PIBF1: variants seen among roughly 807,000 people sequenced by gnomAD.
The protein encoded by PIBF1 is progesterone-induced-blocking factor 1.
A neutral mutation model predicts 112.5 loss-of-function variants in PIBF1; 90 were observed. That is an observed-to-expected ratio of 0.80 (90% confidence interval 0.67 to 0.95). The LOEUF (loss-of-function observed/expected upper bound fraction) is 0.95, where lower values mean the gene tolerates loss of function less well. Among genes scored for constraint, PIBF1 ranks in the 40% least tolerant of loss-of-function variants. The pLI, the probability that PIBF1 is intolerant of heterozygous loss-of-function variation, is 0.00. For synonymous variants in PIBF1, 301 were observed against 288.6 expected, an observed-to-expected ratio of 1.04 and a Z score of -0.44; for missense variants, 915 against 852.3, an observed-to-expected ratio of 1.07 and a Z score of -0.92.
chr13:72,792,276 A>G (rs2034971533), intron 2 of PIBF1, among the ~76,000 whole-genome samples, 171 bp from the exon 3 acceptor site: 1 of 152,044 alleles, frequency 6.6e-6, no homozygotes, highest in African/African-American at 2.4e-5. Context: ...AGCCTGGGCA[A>G]CAGCACTTGG....
At position 72,980,982 on chromosome 13, in the gene PIBF1, C is replaced by T. The variant is rs558417073; in HGVS notation, c.2049+7307C>T. On this transcript the variant is annotated intron_variant, in intron 16 of 17. Transcript: ENST00000326291. ...TTGCTGAGCCAGGCACGGTGGCTCA[C>T]GCTTGTAATTCCAACACTTTGGGAG... Among the ~76,000 whole-genome samples, 11 of 151,934 alleles carry T rather than the reference C, an allele frequency of 7.2e-5. No individual in the cohort carries two copies. The South Asian group carries it at 2.1e-3, about 29-fold the overall frequency.
At chr13:72,987,156 G>T (rs1218762762) in intron 16 of PIBF1, among the ~76,000 whole-genome samples, 1 of 152,176 alleles carries the variant, frequency 6.6e-6, no homozygotes, top group Non-Finnish European at 1.5e-5. Context: ...AACTGGGGAT[G>T]TTTAGAGAAG....
intron 10 of PIBF1, among the ~76,000 whole-genome samples, chr13:72,857,620 C>T (rs2138344815): frequency 6.6e-6 from 1 of 152,326 alleles, no homozygotes; most frequent in South Asian, 2.1e-4. Context: ...GGTTGGATCA[C>T]CTGAGGTCAG....
chr13:72,956,898 A>G (rs754747028), intron 14 of PIBF1, among the ~76,000 whole-genome samples: 1 of 152,256 alleles, frequency 6.6e-6, no homozygotes, highest in African/African-American at 2.4e-5. Context: ...CAAATGGCAA[A>G]CAAACATGTA....
intron 5 of PIBF1, among the ~76,000 whole-genome samples, chr13:72,802,793 GATTACC>G (rs1280872250): frequency 6.6e-6 from 1 of 152,134 alleles, no homozygotes; most frequent in African/African-American, 2.4e-5. Context: ...GCCAGGATGA[GATTACC>G]AAAGGAGAGT....
Position 72,827,728 on chromosome 13 carries a change from T to C in PIBF1, c.916-5T>C. On this transcript the variant is annotated splice_region_variant and splice_polypyrimidine_tract_variant and intron_variant, in intron 7 of 17. Transcript: ENST00000326291. ...TGGATACTTTTTGTTTCTACATGTA[T>C]GTAGGTAGTCACCTTAGAGCAAACT... 3 of 1,521,166 alleles carry C rather than the reference T, an allele frequency of 2.0e-6. No individual in the cohort carries two copies. Among genetic ancestry groups the C allele is most frequent in the South Asian group, 1.4e-5 (1 of 73,540 alleles). 94.2% of individuals were successfully genotyped at this position (1,521,166 alleles called of 1,614,324 possible). A position where few individuals can be genotyped will look rare whatever the true frequency, so the allele number is the denominator to read the frequency against.
At chr13:72,996,284 C>A (rs1316230436) in intron 16 of PIBF1, among the ~76,000 whole-genome samples, 22 of 137,662 alleles carry the variant, frequency 1.6e-4, no homozygotes, top group South Asian at 4.5e-4. Context: ...AAAAAAAAAA[C>A]TGCTCAACTT....
At chr13:72,894,770 A>AGTGTG (rs1385402633) in intron 11 of PIBF1, among the ~76,000 whole-genome samples, 15 of 108,498 alleles carry the variant, frequency 1.4e-4, no homozygotes, top group African/African-American at 4.9e-4. Context: ...ATATATATAT[A>AGTGTG]TAGTGTGTGT....
chr13:72,799,122 G>A (rs970492878), intron 5 of PIBF1, among the ~76,000 whole-genome samples: 1 of 152,112 alleles, frequency 6.6e-6, no homozygotes, highest in African/African-American at 2.4e-5. Flanking sequence ...CCATGACCAG[G>A]TCATTTAATG....
chr13:72,909,277 T>C (rs2040815373), intron 12 of PIBF1, among the ~76,000 whole-genome samples: 1 of 152,158 alleles, frequency 6.6e-6, no homozygotes, highest in Admixed American at 6.5e-5. Flanking sequence ...AACTGGGGAT[T>C]AGGAGTTCAT....
At chr13:72,833,371 C>G (rs991023097) in intron 8 of PIBF1, among the ~76,000 whole-genome samples, 3 of 152,174 alleles carry the variant, frequency 2.0e-5, no homozygotes, top group African/African-American at 7.2e-5. Context: ...GAACTTTCAG[C>G]CTTTTTGCAC....
chr13:72,792,573 AAAC>A (rs548028168), intron 3 of PIBF1, 26 bp downstream of exon 3: 58 of 1,170,950 alleles, frequency 5.0e-5, no homozygotes, highest in East Asian at 4.2e-4. Context: ...TTTAAAAAAA[AAAC>A]AACATCTATT....
intron 1 of PIBF1, among the ~76,000 whole-genome samples, chr13:72,782,682 A>G (rs2138277202): frequency 6.6e-6 from 1 of 152,276 alleles, no homozygotes; most frequent in East Asian, 1.9e-4. Context: ...CTTATGAGAG[A>G]GTTAGAAGTA....
intron 17 of PIBF1, among the ~76,000 whole-genome samples, chr13:73,012,656 G>A (rs946206640): frequency 7.9e-5 from 12 of 151,752 alleles, no homozygotes; most frequent in African/African-American, 2.7e-4. Flanking sequence ...TCGAAGAGCT[G>A]AAGTGGGAGG....
chr13:72,917,019 A>G, intron 12 of PIBF1, 57 bp from the exon 13 acceptor site: 6 of 1,142,986 alleles, frequency 5.2e-6, no homozygotes, highest in African/African-American at 1.6e-5. Context: ...CACTTCTGCC[A>G]TCTTTTTTAA....
At chr13:72,922,285 T>A (rs909703265) in intron 13 of PIBF1, among the ~76,000 whole-genome samples, 9 of 152,124 alleles carry the variant, frequency 5.9e-5, no homozygotes, top group African/African-American at 1.9e-4. Context: ...GCCTATTTTT[T>A]AAAACTCTTT....
intron 11 of PIBF1, among the ~76,000 whole-genome samples, chr13:72,901,344 C>T (rs1432723545): frequency 6.6e-6 from 1 of 152,086 alleles, no homozygotes; most frequent in African/African-American, 2.4e-5. Context: ...CAAAACAAAA[C>T]CACGATACAG....
chr13:72,906,522 T>G (rs2040710341), intron 11 of PIBF1, among the ~76,000 whole-genome samples: 1 of 152,102 alleles, frequency 6.6e-6, no homozygotes, highest in Non-Finnish European at 1.5e-5. Context: ...TCAAGTTCTC[T>G]TTGGCATTTC....
rs187703028 is a variant in PIBF1, at chr13:72,949,900, T to G, written c.1834-15374T>G. On this transcript the variant is annotated intron_variant, in intron 14 of 17. Coordinates refer to ENST00000326291, the MANE Select transcript of PIBF1 (RefSeq NM_006346.4). ...CTTCATGAAAAATCAGTTTTAGAAT[T>G]GAAAAAGAAAGGTGAAAAAGTAAGA... 2.2e-3 allele frequency among the ~76,000 whole-genome samples: 339 copies of G among 152,232 alleles called. 1 individual carries two copies. Among genetic ancestry groups the G allele is most frequent in the Non-Finnish European group, 4.1e-3 (282 of 68,014 alleles).
Sources: allele counts gnomAD v4.1 joint callset (sites outside exome capture counted in the v4.1 genomes callset), GRCh38; gene constraint gnomAD v4.1.1; transcripts MANE v1.5; gene names NCBI Gene and HGNC (gene_info 2026-07-23, HGNC 2026-07-21).